The following NOL8 variants were observed in gnomAD, a reference collection of about 807,000 sequenced individuals.
The protein encoded by NOL8 is nucleolar protein 8, also known as nucleolar protein Nop132.
NOL8 carries 93 observed loss-of-function variants against 116.1 expected under a neutral mutation model. The ratio of observed to expected loss-of-function variants is 0.80; its 90% CI spans 0.68 to 0.95. The LOEUF is 0.95. Ranked by LOEUF, NOL8 falls within the 40% of genes least tolerant of loss-of-function variation. The pLI, the probability that NOL8 is intolerant of heterozygous loss-of-function variation, is 0.00. For missense variants in NOL8, 1,291 were observed against 1,382.8 expected, an observed-to-expected ratio of 0.93 and a Z score of 1.05; for synonymous variants, 419 against 469.0, an observed-to-expected ratio of 0.89 and a Z score of 1.38.
chr9:92,300,514 C>A, intron 13 of NOL8: 1 of 990,776 alleles, frequency 1.0e-6, no homozygotes, highest in African/African-American at 1.7e-5. Flanking sequence ...CACAAGTCTT[C>A]AAAATTTCCC....
chr9:92,311,344 C>A (rs1838773167), intron 7 of NOL8, 85 bp from the exon 8 acceptor site: 3 of 864,878 alleles, frequency 3.5e-6, no homozygotes, highest in Non-Finnish European at 5.5e-6. Context: ...CCAAAATTGA[C>A]AAGTGGGATC....
intron 13 of NOL8, chr9:92,300,372 T>C (rs1837632897): frequency 1.0e-6 from 1 of 991,714 alleles, no homozygotes; most frequent in Admixed American, 5.9e-5. Flanking sequence ...TATAATAGGA[T>C]ACAGGGAAAT....
rs751049349 is a variant in NOL8, at chr9:92,316,122, G to GGATC, written c.499_502dup (p.Pro168ArgfsTer34). ...CTTCAGGTTGTGGCAGTATTTTGAG[G>GGATC]GATCATATTTGATGATGTTACGCAA... On this transcript the variant is annotated frameshift_variant, in exon 7 of 17. Transcript: ENST00000442668. LOFTEE classifies it high-confidence loss of function. 62 of 1,612,650 alleles carry GGATC rather than the reference G, an allele frequency of 3.8e-5. No individual in the cohort carries two copies. Among genetic ancestry groups the GGATC allele is most frequent in the Non-Finnish European group, 5.2e-5 (61 of 1,179,326 alleles).
intron 3 of NOL8, chr9:92,323,153 G>A (rs183711321): frequency 2.1e-6 from 1 of 469,824 alleles, no homozygotes; most frequent in East Asian, 4.1e-5. Context: ...GATATTCAGT[G>A]GGATATATGT....
chr9:92,306,988 A>G lies in NOL8; in HGVS notation c.2723T>C (p.Leu908Pro). Residue 908 changes from leucine (L) to proline (P), a missense_variant, in exon 11 of 17, where the codon CTT becomes CCT. By Grantham distance (98) the Leu-to-Pro change is moderately conservative. Coordinates refer to ENST00000442668, the MANE Select transcript of NOL8 (RefSeq NM_017948.6). ...CAGGGCTTTCTTTTTTTCTTCAGCA[A>G]GCTCTTCTTCCTCAGCAGTTTTCTT... ...NEKKTAEEEE[L>P]AEEKKKALNV... 6.2e-7 allele frequency: 1 copy of G among 1,612,818 alleles called. No homozygotes were observed.
In NOL8 at chr9:92,324,219, G is replaced by A. The variant is rs2130752425; in HGVS notation, c.-48-10C>T. 3 of 1,546,248 alleles carry A rather than the reference G, an allele frequency of 1.9e-6. No homozygotes were observed. The East Asian group carries it at 6.8e-5, about 35-fold the overall frequency. ...TGGGAAAAGTAATTTTCTGTATACA[G>A]AGAAGAGTTCTTTCCCTTAGTTCTT... On this transcript the variant is annotated splice_polypyrimidine_tract_variant and intron_variant, in intron 1 of 16. Coordinates refer to ENST00000442668, the MANE Select transcript of NOL8 (RefSeq NM_017948.6).
rs531367006 is a variant in NOL8 at position 92,310,770 on chromosome 9, C to G, written c.2473-95G>C. 5 of 1,333,576 alleles carry G rather than the reference C, an allele frequency of 3.7e-6. No homozygotes were observed. The African/African-American group carries it at 7.4e-5, about 20-fold the overall frequency. 82.6% of individuals were successfully genotyped at this position (1,333,576 alleles called of 1,614,324 possible). A position where few individuals can be genotyped will look rare whatever the true frequency, so the allele number is the denominator to read the frequency against. ...TCTCCCTCACATTGAAAGCCAGTAA[C>G]CCAGACTCATCTACCAGGAATGAGT... On this transcript the variant is annotated intron_variant, in intron 8 of 16. Coordinates refer to ENST00000442668, the MANE Select transcript of NOL8 (RefSeq NM_017948.6).
In NOL8 at chr9:92,311,154, A is replaced by G. The variant is rs770697894; in HGVS notation, c.2464T>C (p.Trp822Arg). The G allele has an allele frequency of 1.9e-6, 3 of 1,612,254 alleles. No homozygotes were observed. The highest frequency in any genetic ancestry group is 2.5e-6 in the Non-Finnish European group (3 of 1,178,572). ...CATCCTGAACTTCTTACTTTCACCC[A>G]TTCCTCTCCTGGATGGCTCTGCTCC... Reference protein sequence around the residue: ...TQEQSHPGEEWVKESMGKTSG... With the variant: ...TQEQSHPGEERVKESMGKTSG... The change falls in exon 8 of 17, where the codon TGG (tryptophan) becomes CGG (arginine). Residue 822 changes from tryptophan (W) to arginine (R), a missense_variant. By Grantham distance (101) the Trp-to-Arg change is moderately radical (BLOSUM62 -3). Transcript: ENST00000442668.
At position 92,319,313 on chromosome 9, in the gene NOL8, A is replaced by G. The variant is rs1839712231; in HGVS notation, c.325T>C (p.Ser109Pro). ...REAAKAKKEE[S>P]TTGNANLLEK... ...AACAAGTTGGCGTTACCTGTTGTTG[A>G]TTCTTCTTTCTTAGCTTTTGCTGCT... Residue 109 changes from serine to proline, a missense_variant, in exon 5 of 17, where the codon TCA (serine) becomes CCA (proline). Physicochemically the swap from Ser to Pro is moderately conservative, Grantham distance 74. Coordinates refer to ENST00000442668, the MANE Select transcript of NOL8 (RefSeq NM_017948.6). The G allele has an allele frequency of 1.3e-6, 2 of 1,598,364 alleles. No homozygotes were observed. The highest frequency in any genetic ancestry group is 1.8e-5 in the Admixed American group (1 of 56,594).
intron 10 of NOL8, among the ~76,000 whole-genome samples, chr9:92,307,634 AGTAGTCTAAGCCT>A: frequency 6.6e-6 from 1 of 152,366 alleles, no homozygotes; most frequent in East Asian, 1.9e-4. Flanking sequence ...GAAATACAAA[AGTAGTCTAAGCCT>A]GTATGACTCT....
chr9:92,314,248 A>T lies in NOL8; in HGVS notation c.2358+19T>A. The T allele has an allele frequency of 6.5e-7, 1 of 1,532,596 alleles. No individual in the cohort carries two copies. Among genetic ancestry groups the T allele is most frequent in the Non-Finnish European group, 8.8e-7 (1 of 1,139,264 alleles). The allele number at this position is 1,532,596 out of a possible 1,614,324, so 94.9% of individuals were successfully genotyped here. On this transcript the variant is annotated intron_variant, in intron 7 of 16. Transcript: ENST00000442668. ...CTTTCTGAGTTCTTGTTAAATCCATACATTGAAAATATACTCACCAAATTT... is the reference window on the plus strand; with the variant it reads ...CTTTCTGAGTTCTTGTTAAATCCATTCATTGAAAATATACTCACCAAATTT...
chr9:92,299,850 C>T, intron 14 of NOL8, 40 bp downstream of exon 14: 1 of 1,592,664 alleles, frequency 6.3e-7, no homozygotes, highest in Non-Finnish European at 8.6e-7. Flanking sequence ...TCAGATTTTA[C>T]AAATTATGAA....
Position 92,315,272 on chromosome 9 carries a change from A to G in NOL8, c.1353T>C (p.Ser451=). The change falls in exon 7 of 17, where the codon TCT becomes TCC. Residue 451 remains serine, a synonymous_variant. Coordinates refer to ENST00000442668, the MANE Select transcript of NOL8 (RefSeq NM_017948.6). ...CAGCATCTTCACTGCTACTGGAGTG[A>G]GAGGGAGATTTACGATTAAGAGACT... ...GLKSLNRKSP[S]HSSSSEDADS... 6.2e-7 allele frequency: 1 copy of G among 1,613,974 alleles called. No homozygotes were observed. Among genetic ancestry groups the G allele is most frequent in the African/African-American group, 1.3e-5 (1 of 75,060 alleles).
chr9:92,299,218 C>G lies in NOL8; in HGVS notation c.3303-264G>C, dbSNP rs148392074. On this transcript the variant is annotated intron_variant, in intron 14 of 16. Transcript: ENST00000442668. ...TAATGAAGACTTGTTTAAGTAGAACCTCTATCTTTCCTGTGTTGGTTGCTG... is the reference window on the plus strand; with the variant it reads ...TAATGAAGACTTGTTTAAGTAGAACGTCTATCTTTCCTGTGTTGGTTGCTG... Among the ~76,000 whole-genome samples the G allele has an allele frequency of 1.5e-3, 233 of 152,146 alleles. 6 individuals are homozygous for G. In the East Asian group the frequency reaches 0.026, roughly 17 times the overall value.
chr9:92,311,861 A>G (rs1838825351), intron 7 of NOL8, among the ~76,000 whole-genome samples: 2 of 152,224 alleles, frequency 1.3e-5, no homozygotes, highest in African/African-American at 2.4e-5. Context: ...ATTTGCCCAA[A>G]GGAATATAAA....
intron 7 of NOL8, among the ~76,000 whole-genome samples, chr9:92,312,309 C>G (rs558325995): frequency 8.3e-4 from 126 of 151,608 alleles, no homozygotes; most frequent in African/African-American, 2.8e-3. Flanking sequence ...CAAAAATTAG[C>G]TGGGCATGGT....
At chr9:92,313,643 G>C (rs1376864975) in intron 7 of NOL8, among the ~76,000 whole-genome samples, 1 of 152,120 alleles carries the variant, frequency 6.6e-6, no homozygotes, top group African/African-American at 2.4e-5. Context: ...ATTCACCCTT[G>C]TATAAACGGT....
chr9:92,315,161 TAA>T lies in NOL8; in HGVS notation c.1462_1463del (p.Leu488SerfsTer2). On this transcript the variant is annotated frameshift_variant, in exon 7 of 17. Transcript: ENST00000442668. LOFTEE classifies it high-confidence loss of function. ...TGCCAGCCAATTGTTCCAAATCAGC[TAA>T]AGTGAGATTCACACGAAGGCAGTTT... ...MKNCLRVNLT[L>X]ADLEQLAGSD... is the part of the protein sequence containing the mutation. The T allele has an allele frequency of 6.2e-7, 1 of 1,613,994 alleles. No homozygotes were observed. Among genetic ancestry groups the T allele is most frequent in the Non-Finnish European group, 8.5e-7 (1 of 1,179,890 alleles).
At position 92,314,529 on chromosome 9, in the gene NOL8, T is replaced by C. The variant is rs199937698; in HGVS notation, c.2096A>G (p.His699Arg). ...TGAAGCTTCTGTCTTTGTGGTACTA[T>C]GGCAGCTGTCTTTGTCAAAGCCTAT... ...HNIGFDKDSC[H>R]STTKTEASQE... The change falls in exon 7 of 17, where the codon CAT becomes CGT. Residue 699 changes from histidine to arginine, a missense_variant. Coordinates refer to ENST00000442668, the MANE Select transcript of NOL8 (RefSeq NM_017948.6). 2.0e-4 allele frequency: 325 copies of C among 1,613,584 alleles called. 1 individual carries two copies. The highest frequency in any genetic ancestry group is 4.6e-4 in the South Asian group (42 of 91,016).
Sources: allele counts gnomAD v4.1 joint callset (sites outside exome capture counted in the v4.1 genomes callset), GRCh38; gene constraint gnomAD v4.1.1; transcripts MANE v1.5; gene names NCBI Gene and HGNC (gene_info 2026-07-23, HGNC 2026-07-21).